The following DYNC1I1 variants were observed in gnomAD, a reference collection of about 807,000 sequenced individuals.
DYNC1I1 encodes the protein dynein cytoplasmic 1 intermediate chain 1, also known as cytoplasmic dynein 1 intermediate chain 1.
In DYNC1I1, 43 loss-of-function variants were observed where a neutral mutation model predicts 86.6. The observed-to-expected ratio is 0.50, with a 90% CI of 0.39 to 0.64. The LOEUF (loss-of-function observed/expected upper bound fraction) is 0.64, where lower values mean the gene tolerates loss of function less well. Among genes scored for constraint, DYNC1I1 ranks in the 30% least tolerant of loss-of-function variants. The pLI is 0.00. For synonymous variants in DYNC1I1, 262 were observed against 283.7 expected, an observed-to-expected ratio of 0.92 and a Z score of 0.77; for missense variants, 604 against 788.8, an observed-to-expected ratio of 0.77 and a Z score of 2.81.
At chr7:96,082,617 A>G (rs1293914060) in intron 16 of DYNC1I1, among the ~76,000 whole-genome samples, 4 of 152,158 alleles carry the variant, frequency 2.6e-5, no homozygotes, top group African/African-American at 4.8e-5. Context: ...CTTAAATGTT[A>G]TATATATACA....
chr7:96,026,106 C>A (rs1283760335), intron 10 of DYNC1I1, among the ~76,000 whole-genome samples: 3 of 152,102 alleles, frequency 2.0e-5, no homozygotes, highest in African/African-American at 4.8e-5. Context: ...AGCCGACCAG[C>A]ATTATTTTCT....
At chr7:95,844,557 A>T (rs1789375433) in intron 5 of DYNC1I1, among the ~76,000 whole-genome samples, 1 of 151,946 alleles carries the variant, frequency 6.6e-6, no homozygotes, top group Non-Finnish European at 1.5e-5. Context: ...CAAAATTCGG[A>T]GACTAGGGTG....
chr7:96,092,928 C>G (rs1303538703), intron 16 of DYNC1I1, among the ~76,000 whole-genome samples: 1 of 152,064 alleles, frequency 6.6e-6, no homozygotes, highest in African/African-American at 2.4e-5. Context: ...TGGCATTTCT[C>G]AAAGGGGTGA....
chr7:95,841,797 A>G (rs1789289828), intron 5 of DYNC1I1, among the ~76,000 whole-genome samples: 1 of 152,170 alleles, frequency 6.6e-6, no homozygotes, highest in Admixed American at 6.5e-5. Flanking sequence ...GCAGCTGAAA[A>G]AGTCAGGGCT....
At chr7:95,880,717 C>T (rs560663835) in intron 6 of DYNC1I1, among the ~76,000 whole-genome samples, 1 of 148,780 alleles carries the variant, frequency 6.7e-6, no homozygotes, top group East Asian at 2.0e-4. Context: ...GTGTTCTCAG[C>T]TCACTGCAAC....
chr7:95,814,988 G>T (rs1048936112), intron 4 of DYNC1I1, among the ~76,000 whole-genome samples: 2 of 120,602 alleles, frequency 1.7e-5, no homozygotes, highest in Admixed American at 1.0e-4. Context: ...CACATTTCTT[G>T]GGGGGGGTCC....
intron 5 of DYNC1I1, among the ~76,000 whole-genome samples, chr7:95,835,536 T>C (rs1789058733): frequency 6.6e-6 from 1 of 151,510 alleles, no homozygotes; most frequent in African/African-American, 2.4e-5. Flanking sequence ...TTGTTGACTT[T>C]CTGTCTCATT....
At chr7:95,782,898 C>T (rs1407823988) in intron 1 of DYNC1I1, among the ~76,000 whole-genome samples, 1 of 152,170 alleles carries the variant, frequency 6.6e-6, no homozygotes, top group Non-Finnish European at 1.5e-5. Flanking sequence ...AGCCGAACTC[C>T]TCTCGATGTT....
At chr7:95,793,121 G>A (rs1403642164) in intron 1 of DYNC1I1, among the ~76,000 whole-genome samples, 1 of 152,074 alleles carries the variant, frequency 6.6e-6, no homozygotes, top group Non-Finnish European at 1.5e-5. Flanking sequence ...GTATCATCAG[G>A]GCGCAAGTTT....
At chr7:95,924,836 G>C (rs1791700948) in intron 6 of DYNC1I1, among the ~76,000 whole-genome samples, 1 of 152,170 alleles carries the variant, frequency 6.6e-6, no homozygotes, top group South Asian at 2.1e-4. Flanking sequence ...GGCAGGAATG[G>C]AGGTTACATC....
intron 6 of DYNC1I1, among the ~76,000 whole-genome samples, chr7:95,885,838 C>T (rs2116245544): frequency 6.6e-6 from 1 of 151,968 alleles, no homozygotes; most frequent in East Asian, 1.9e-4. Context: ...TGGTATCTTC[C>T]AAAAATGTCA....
chr7:95,941,095 G>A (rs958907179), intron 6 of DYNC1I1, among the ~76,000 whole-genome samples: 13 of 152,206 alleles, frequency 8.5e-5, no homozygotes, highest in African/African-American at 1.9e-4. Context: ...TACCAGCAGC[G>A]GTGGCTGCAG....
intron 5 of DYNC1I1, among the ~76,000 whole-genome samples, chr7:95,832,471 T>C (rs1788936831): frequency 1.3e-5 from 2 of 152,022 alleles, no homozygotes; most frequent in Non-Finnish European, 2.9e-5. Flanking sequence ...TATAGTCCTT[T>C]GGATATATAC....
chr7:95,837,509 C>A (rs541870710), intron 5 of DYNC1I1: 1 of 152,368 alleles, frequency 6.6e-6, no homozygotes, highest in African/African-American at 2.4e-5. Context: ...GTTCGAGCTT[C>A]CCGGCTGCTT....
chr7:95,944,766 C>T (rs1038614029), intron 6 of DYNC1I1, among the ~76,000 whole-genome samples: 3 of 151,340 alleles, frequency 2.0e-5, no homozygotes, highest in Non-Finnish European at 2.9e-5. Flanking sequence ...AGTAAACTAT[C>T]GCAAGAACAA....
intron 6 of DYNC1I1, among the ~76,000 whole-genome samples, chr7:95,941,440 G>A (rs1269001156): frequency 6.6e-6 from 1 of 152,170 alleles, no homozygotes; most frequent in South Asian, 2.1e-4. Flanking sequence ...TCCTTGAGCT[G>A]TGGTGGGCTC....
intron 1 of DYNC1I1, among the ~76,000 whole-genome samples, chr7:95,788,600 G>C (rs1204280378): frequency 6.6e-6 from 1 of 152,122 alleles, no homozygotes; most frequent in Non-Finnish European, 1.5e-5. Context: ...AGTTGGTCGG[G>C]ACACCTTTTC....
intron 10 of DYNC1I1, among the ~76,000 whole-genome samples, chr7:96,021,462 A>T (rs1794549357): frequency 6.6e-6 from 1 of 152,182 alleles, no homozygotes; most frequent in Non-Finnish European, 1.5e-5. Flanking sequence ...ATAACAAATA[A>T]GGTTGGTAAG....
At chr7:96,032,132 C>T (rs1794827018) in intron 11 of DYNC1I1, among the ~76,000 whole-genome samples, 3 of 152,202 alleles carry the variant, frequency 2.0e-5, no homozygotes, top group African/African-American at 7.2e-5. Flanking sequence ...ATAATCTCAC[C>T]ACTAGTATCT....
Sources: gnomAD v4.1 joint callset for allele counts (sites outside exome capture counted in the v4.1 genomes callset) on GRCh38, gnomAD v4.1.1 for gene constraint, MANE v1.5 for transcripts, NCBI Gene and HGNC (gene_info 2026-07-23, HGNC 2026-07-21) for gene names.